Variants in CAST observed in about 807,000 individuals in gnomAD.
CAST encodes the protein MIR583 host.
A neutral mutation model predicts 119.6 loss-of-function variants in CAST; 76 were observed. The ratio of observed to expected loss-of-function variants is 0.64; its 90% CI spans 0.53 to 0.77. CAST has a LOEUF of 0.77. Among genes scored for constraint, CAST ranks in the 30% least tolerant of loss-of-function variants. CAST has a pLI of 0.00. For synonymous variants in CAST, 319 were observed against 331.6 expected (o/e 0.96, Z 0.41); for missense variants, 953 against 946.5 (o/e 1.01, Z -0.09).
At chr5:96,226,487 T>TA in the CAST span, among the ~76,000 whole-genome samples, 4 of 151,736 alleles carry the variant, frequency 2.6e-5, no homozygotes, top group Non-Finnish European at 5.9e-5. Context: ...CCTGTCTCTA[T>TA]AAAAAATACA....
chr5:96,426,061 A>C, the CAST span: 1 of 690,242 alleles, frequency 1.4e-6, no homozygotes, highest in African/African-American at 1.8e-5. Flanking sequence ...ACTACAGATT[A>C]AACTGGCACC....
chr5:96,347,820 A>G, the CAST span, among the ~76,000 whole-genome samples: 2 of 152,186 alleles, frequency 1.3e-5, no homozygotes, highest in East Asian at 3.9e-4. Context: ...AGACTGGTAA[A>G]GATGATTTGA....
the CAST span, among the ~76,000 whole-genome samples, chr5:96,412,705 T>C: frequency 6.7e-5 from 10 of 149,906 alleles, no homozygotes; most frequent in South Asian, 2.1e-3. Flanking sequence ...TGTCGCACTT[T>C]AGAGATAATA....
At chr5:96,431,399 C>T in the CAST span, among the ~76,000 whole-genome samples, 2 of 152,234 alleles carry the variant, frequency 1.3e-5, no homozygotes, top group Non-Finnish European at 2.9e-5. Flanking sequence ...TTCCCTACTA[C>T]TTTCATTCCT....
At chr5:96,662,566 C>A in intron 1 of CAST, 69 bp downstream of exon 1, 1 of 1,312,280 alleles carries the variant, frequency 7.6e-7, no homozygotes, top group South Asian at 2.2e-5. Flanking sequence ...CTGTGGCCGC[C>A]CTCCCTGGGC....
At chr5:96,426,417 G>A in the CAST span, among the ~76,000 whole-genome samples, 3 of 152,112 alleles carry the variant, frequency 2.0e-5, no homozygotes, top group Non-Finnish European at 4.4e-5. Flanking sequence ...TAAGAATGGT[G>A]CTGTATCCAT....
chr5:96,638,508 G>C (rs1325740385), intron 1 of CAST, among the ~76,000 whole-genome samples: 1 of 152,214 alleles, frequency 6.6e-6, no homozygotes, highest in Non-Finnish European at 1.5e-5. Context: ...AAAAGCCTTT[G>C]ACATTCTTCT....
intron 2 of CAST, among the ~76,000 whole-genome samples, chr5:96,681,162 T>C (rs1751373691): frequency 6.6e-6 from 1 of 152,246 alleles, no homozygotes; most frequent in Non-Finnish European, 1.5e-5. Flanking sequence ...TAAGATATTT[T>C]TTTCAGGGAG....
intron 1 of CAST, among the ~76,000 whole-genome samples, chr5:96,663,332 G>T (rs1318040660): frequency 3.9e-5 from 6 of 152,230 alleles, no homozygotes; most frequent in Non-Finnish European, 7.3e-5. Flanking sequence ...GGTTAGGCTC[G>T]GGGAGAGGCA....
chr5:96,016,450 C>G, the CAST span, among the ~76,000 whole-genome samples: 6 of 152,210 alleles, frequency 3.9e-5, no homozygotes, highest in East Asian at 1.2e-3. Context: ...TATTTTGCAC[C>G]CTGCAAGCTG....
intron 1 of CAST, among the ~76,000 whole-genome samples, chr5:96,627,722 T>C (rs997957833): frequency 6.6e-6 from 1 of 152,226 alleles, no homozygotes; most frequent in African/African-American, 2.4e-5. Context: ...TTGTGTGATT[T>C]ATGAGGAGGA....
chr5:96,309,214 C>T, the CAST span, among the ~76,000 whole-genome samples: 9 of 152,192 alleles, frequency 5.9e-5, no homozygotes, highest in Non-Finnish European at 7.3e-5. Flanking sequence ...CAGTGGGCTC[C>T]GCCCAGTTCG....
the CAST span, among the ~76,000 whole-genome samples, chr5:96,158,685 A>G: frequency 6.6e-6 from 1 of 152,172 alleles, no homozygotes; most frequent in Non-Finnish European, 1.5e-5. Flanking sequence ...AAGGTGCTTT[A>G]TGTTTGTCAT....
At chr5:96,085,029 C>T in the CAST span, among the ~76,000 whole-genome samples, 1 of 152,176 alleles carries the variant, frequency 6.6e-6, no homozygotes, top group Non-Finnish European at 1.5e-5. Context: ...TACCCCATTC[C>T]AGCTATCTTC....
chr5:96,260,130 A>C, the CAST span, among the ~76,000 whole-genome samples: 1 of 152,154 alleles, frequency 6.6e-6, no homozygotes. Flanking sequence ...ATCCTGATTT[A>C]TTAGTGTGAA....
At chr5:96,095,134 A>G in the CAST span, among the ~76,000 whole-genome samples, 1 of 152,148 alleles carries the variant, frequency 6.6e-6, no homozygotes, top group Non-Finnish European at 1.5e-5. Flanking sequence ...TGTGTCAGTC[A>G]TTTTTGCAAA....
the CAST span, among the ~76,000 whole-genome samples, chr5:96,436,990 G>A: frequency 6.6e-6 from 1 of 152,190 alleles, no homozygotes; most frequent in Non-Finnish European, 1.5e-5. Context: ...GGTTGCTGAA[G>A]TAAATACAGC....
At chr5:95,993,135 A>AT in the CAST span, among the ~76,000 whole-genome samples, 2 of 152,194 alleles carry the variant, frequency 1.3e-5, no homozygotes, top group Admixed American at 1.3e-4. Flanking sequence ...TGATCAACTG[A>AT]TTTTCAGCAA....
At chr5:96,406,588 C>A in the CAST span, among the ~76,000 whole-genome samples, 38 of 152,324 alleles carry the variant, frequency 2.5e-4, no homozygotes, top group Admixed American at 4.6e-4. Flanking sequence ...TACCCCATCT[C>A]CATAGGAAGC....
Sources: allele counts gnomAD v4.1 joint callset (sites outside exome capture counted in the v4.1 genomes callset), GRCh38; gene constraint gnomAD v4.1.1; transcripts MANE v1.5; gene names NCBI Gene and HGNC (gene_info 2026-07-23, HGNC 2026-07-21).